The following MDGA2 variants were observed in gnomAD, a reference collection of about 807,000 sequenced individuals.
The protein encoded by MDGA2 is MAM domain-containing glycosylphosphatidylinositol anchor protein 2.
MDGA2 carries 40 observed loss-of-function variants against 117.8 expected under a neutral mutation model. The observed-to-expected ratio is 0.34, with a 90% confidence interval of 0.26 to 0.44. MDGA2 has a LOEUF of 0.44. MDGA2 is among the 20% of genes least tolerant of loss of function. MDGA2 has a pLI of 1.00. For synonymous variants in MDGA2, 452 were observed against 439.0 expected (o/e 1.03, Z -0.37); for missense variants, 1,123 against 1,250.6 (o/e 0.90, Z 1.54).
intron 1 of MDGA2, among the ~76,000 whole-genome samples, chr14:47,422,891 T>A (rs918605082): frequency 6.6e-6 from 1 of 152,150 alleles, no homozygotes; most frequent in African/African-American, 2.4e-5. Flanking sequence ...GATCGATAAA[T>A]AGATGGATTT....
At chr14:47,459,693 AT>A (rs1261011342) in intron 1 of MDGA2, among the ~76,000 whole-genome samples, 1 of 152,092 alleles carries the variant, frequency 6.6e-6, no homozygotes, top group Admixed American at 6.6e-5. Context: ...GAAATTACAT[AT>A]TGAAAGGAAA....
chr14:47,198,048 A>T (rs929816201), intron 3 of MDGA2, among the ~76,000 whole-genome samples: 2 of 145,270 alleles, frequency 1.4e-5, no homozygotes, highest in Admixed American at 1.3e-4. Context: ...TTTAAGTAAA[A>T]AATGTATTTT....
intron 1 of MDGA2, among the ~76,000 whole-genome samples, chr14:47,565,796 TG>T (rs1208415638): frequency 1.3e-5 from 2 of 152,266 alleles, no homozygotes; most frequent in East Asian, 3.9e-4. Context: ...CGTGCTGGCA[TG>T]GGGACAGGGC....
chr14:47,528,289 C>A (rs1335876360), intron 1 of MDGA2, among the ~76,000 whole-genome samples: 1 of 152,178 alleles, frequency 6.6e-6, no homozygotes, highest in Non-Finnish European at 1.5e-5. Context: ...CAGTGCTTAT[C>A]GTAGGCAGAG....
At chr14:46,904,166 C>A (rs1239652510) in intron 10 of MDGA2, among the ~76,000 whole-genome samples, 2 of 151,882 alleles carry the variant, frequency 1.3e-5, no homozygotes, top group Non-Finnish European at 2.9e-5. Context: ...GAGTTCAAGA[C>A]CAGCCTGGCC....
intron 1 of MDGA2, among the ~76,000 whole-genome samples, chr14:47,479,541 C>T (rs1251816321): frequency 6.6e-6 from 1 of 152,114 alleles, no homozygotes; most frequent in Middle Eastern, 3.2e-3. Flanking sequence ...GTGAAGACTA[C>T]TTACATACTT....
At chr14:47,361,207 C>CTCTCTATATATA (rs61280975) in intron 1 of MDGA2, among the ~76,000 whole-genome samples, 11 of 140,492 alleles carry the variant, frequency 7.8e-5, no homozygotes, top group Non-Finnish European at 1.5e-4. Flanking sequence ...CTCTCTCTCT[C>CTCTCTATATATA]TATATATATA....
intron 1 of MDGA2, among the ~76,000 whole-genome samples, chr14:47,474,945 C>T (rs1893805987): frequency 6.6e-6 from 1 of 152,040 alleles, no homozygotes; most frequent in Non-Finnish European, 1.5e-5. Context: ...GACGAAAATG[C>T]CAAAAGCTAT....
rs79984467 is a variant in MDGA2 at position 47,546,485 on chromosome 14, A to T, written c.280+128032T>A. ...CTACTCATCATAGTATTATTGAAGC[A>T]GGCTACAATATTTACTGAATATTGA... On this transcript the variant is annotated intron_variant, in intron 1 of 16. Transcript: ENST00000399232. 8.1e-3 allele frequency among the ~76,000 whole-genome samples: 1,229 copies of T among 152,296 alleles called. 16 individuals are homozygous for T. Among genetic ancestry groups the T allele is most frequent in the Non-Finnish European group, 0.011 (750 of 68,004 alleles).
At chr14:47,423,652 TCTTA>T (rs1456864282) in intron 1 of MDGA2, among the ~76,000 whole-genome samples, 6 of 152,174 alleles carry the variant, frequency 3.9e-5, no homozygotes, top group Non-Finnish European at 8.8e-5. Context: ...TGCTTTATTT[TCTTA>T]CTTATGTAGC....
chr14:47,108,908 T>C (rs529649918), intron 5 of MDGA2, among the ~76,000 whole-genome samples: 6 of 152,330 alleles, frequency 3.9e-5, no homozygotes, highest in African/African-American at 1.4e-4. Context: ...TACTAATACC[T>C]AGCAGCGTGA....
intron 3 of MDGA2, among the ~76,000 whole-genome samples, chr14:47,192,922 G>C (rs1308663921): frequency 6.6e-6 from 1 of 152,158 alleles, no homozygotes; most frequent in Non-Finnish European, 1.5e-5. Flanking sequence ...AAACTCACCA[G>C]TGGTGCAGTC....
At chr14:46,842,094 T>C in intron 16 of MDGA2, 75 bp from the exon 17 acceptor site, 1 of 856,378 alleles carries the variant, frequency 1.2e-6, no homozygotes, top group African/African-American at 1.7e-5. Context: ...AACACAACCT[T>C]GGTGAATAAT....
At chr14:47,513,235 C>G (rs189013618) in intron 1 of MDGA2, among the ~76,000 whole-genome samples, 74 of 152,242 alleles carry the variant, frequency 4.9e-4, no homozygotes, top group Admixed American at 6.5e-4. Context: ...AGTATTCAGT[C>G]TAATTGCTCA....
intron 1 of MDGA2, among the ~76,000 whole-genome samples, chr14:47,622,826 G>C (rs1010595449): frequency 6.6e-6 from 1 of 152,156 alleles, no homozygotes; most frequent in Admixed American, 6.5e-5. Context: ...TAGATAGGTG[G>C]CTTGTTCCAG....
chr14:47,476,604 C>A (rs950548949), intron 1 of MDGA2, among the ~76,000 whole-genome samples: 2 of 151,452 alleles, frequency 1.3e-5, no homozygotes, highest in African/African-American at 2.4e-5. Flanking sequence ...TAAATTTGTG[C>A]CTAGAAAAAA....
intron 1 of MDGA2, among the ~76,000 whole-genome samples, chr14:47,386,748 T>C (rs1238237580): frequency 6.6e-6 from 1 of 152,174 alleles, no homozygotes; most frequent in Non-Finnish European, 1.5e-5. Context: ...ATTTATATCA[T>C]TCAGGGACTA....
At chr14:47,571,456 T>C (rs1896018253) in intron 1 of MDGA2, among the ~76,000 whole-genome samples, 1 of 152,156 alleles carries the variant, frequency 6.6e-6, no homozygotes, top group Non-Finnish European at 1.5e-5. Context: ...CATGCACACG[T>C]ATATTTATTG....
intron 1 of MDGA2, among the ~76,000 whole-genome samples, chr14:47,394,905 C>A (rs1891973655): frequency 6.6e-6 from 1 of 152,100 alleles, no homozygotes; most frequent in African/African-American, 2.4e-5. Flanking sequence ...GTAATCCCAG[C>A]AATCTGGGAG....
Sources: allele counts gnomAD v4.1 joint callset (sites outside exome capture counted in the v4.1 genomes callset), GRCh38; gene constraint gnomAD v4.1.1; transcripts MANE v1.5; gene names NCBI Gene and HGNC (gene_info 2026-07-23, HGNC 2026-07-21).